SLC4A7: variants seen among roughly 807,000 people sequenced by gnomAD.
SLC4A7 encodes the protein sodium bicarbonate cotransporter 3.
Under a neutral mutation model 137.6 loss-of-function variants are expected in SLC4A7, and 51 were observed. The ratio of observed to expected loss-of-function variants is 0.37; its 90% confidence interval spans 0.30 to 0.47. SLC4A7 has a LOEUF of 0.47. SLC4A7 is among the 20% of genes least tolerant of loss of function. The pLI, the probability that SLC4A7 is intolerant of heterozygous loss-of-function variation, is 1.00. For missense variants in SLC4A7, 1,247 were observed against 1,525.4 expected (o/e 0.82, Z 3.04); for synonymous variants, 542 against 518.6 (o/e 1.05, Z -0.61).
In SLC4A7 at chr3:27,484,172, C is replaced by A; in HGVS notation, c.-46G>T. On this transcript the variant is annotated 5_prime_UTR_variant, in exon 1 of 26. Transcript: ENST00000454389. ...ACGGCCGCTACGGTACTGCCCCGCGCGGTCTGCCTGCTTCTGCCGCTGCCC... is the reference window on the plus strand; with the variant it reads ...ACGGCCGCTACGGTACTGCCCCGCGAGGTCTGCCTGCTTCTGCCGCTGCCC... 2 of 1,256,566 alleles carry A rather than the reference C, an allele frequency of 1.6e-6. No individual in the cohort carries two copies. The highest frequency in any genetic ancestry group is 5.6e-5 in the South Asian group (2 of 36,030). 77.8% of individuals were successfully genotyped at this position (1,256,566 alleles called of 1,614,324 possible). A position where few individuals can be genotyped will look rare whatever the true frequency, so the allele number is the denominator to read the frequency against.
intron 16 of SLC4A7, among the ~76,000 whole-genome samples, chr3:27,399,383 T>G (rs1270094510): frequency 6.6e-6 from 1 of 152,208 alleles, no homozygotes; most frequent in Non-Finnish European, 1.5e-5. Flanking sequence ...ACCTCTTCCT[T>G]AACAAAAATG....
intron 13 of SLC4A7, among the ~76,000 whole-genome samples, chr3:27,406,303 AAT>A (rs1417685091): frequency 6.6e-6 from 1 of 152,220 alleles, no homozygotes; most frequent in Non-Finnish European, 1.5e-5. Flanking sequence ...TGGCACACAG[AAT>A]ATAGTCAATG....
chr3:27,479,261 A>G (rs1032855861), intron 1 of SLC4A7, among the ~76,000 whole-genome samples: 4 of 152,010 alleles, frequency 2.6e-5, no homozygotes, highest in Non-Finnish European at 5.9e-5. Context: ...TTAAAAATAC[A>G]AAAAATTAGC....
At chr3:27,421,029 A>C (rs563552281) in intron 9 of SLC4A7, among the ~76,000 whole-genome samples, 1 of 152,118 alleles carries the variant, frequency 6.6e-6, no homozygotes, top group Admixed American at 6.5e-5. Context: ...TCCTGACCTC[A>C]GGTGATCCAC....
intron 5 of SLC4A7, among the ~76,000 whole-genome samples, chr3:27,435,829 T>C (rs1230896825): frequency 6.6e-6 from 1 of 151,990 alleles, no homozygotes; most frequent in African/African-American, 2.4e-5. Context: ...TGGATGACAG[T>C]GAGAGACCCT....
intron 20 of SLC4A7, among the ~76,000 whole-genome samples, chr3:27,392,691 G>C (rs1438210351): frequency 6.6e-6 from 1 of 151,896 alleles, no homozygotes; most frequent in Non-Finnish European, 1.5e-5. Context: ...GCTGGGCATG[G>C]TGGCACGTGC....
At chr3:27,459,973 A>T (rs1020691248) in intron 1 of SLC4A7, among the ~76,000 whole-genome samples, 14 of 107,560 alleles carry the variant, frequency 1.3e-4, no homozygotes, top group East Asian at 6.4e-4. Flanking sequence ...AGTGTTATTT[A>T]TATATATATA....
intron 1 of SLC4A7, among the ~76,000 whole-genome samples, chr3:27,461,329 G>A (rs909191474): frequency 6.6e-6 from 1 of 151,794 alleles, no homozygotes; most frequent in Non-Finnish European, 1.5e-5. Context: ...AACCCAGAAG[G>A]CGGAGGTTGC....
chr3:27,440,154 A>G (rs1051335729), intron 3 of SLC4A7, among the ~76,000 whole-genome samples: 1 of 152,184 alleles, frequency 6.6e-6, no homozygotes, highest in African/African-American at 2.4e-5. Flanking sequence ...ACAGTTCTGG[A>G]TACCAGAAGT....
At chr3:27,467,633 G>C (rs966135834) in intron 1 of SLC4A7, among the ~76,000 whole-genome samples, 2 of 152,226 alleles carry the variant, frequency 1.3e-5, no homozygotes, top group Non-Finnish European at 2.9e-5. Context: ...TCAGTGAGGA[G>C]CACAGCCAGT....
intron 23 of SLC4A7, among the ~76,000 whole-genome samples, chr3:27,384,442 G>T (rs928878273): frequency 6.6e-6 from 1 of 152,152 alleles, no homozygotes; most frequent in Non-Finnish European, 1.5e-5. Context: ...CAGGAGAAAA[G>T]TAACAAGGAG....
At chr3:27,428,705 T>G (rs2055920814) in intron 7 of SLC4A7, among the ~76,000 whole-genome samples, 2 of 152,188 alleles carry the variant, frequency 1.3e-5, no homozygotes, top group African/African-American at 2.4e-5. Flanking sequence ...TCCATCTAAC[T>G]TACCCATATT....
rs374233349 is a variant in SLC4A7, at chr3:27,448,714, G to A, written c.226C>T (p.His76Tyr). 8.7e-6 allele frequency: 14 copies of A among 1,612,842 alleles called. No homozygotes were observed. The highest frequency in any genetic ancestry group is 1.7e-5 in the Admixed American group (1 of 59,942). The change falls in exon 3 of 26, where the codon CAC becomes TAC. Residue 76 changes from histidine to tyrosine, a missense_variant. By Grantham distance (83) the His-to-Tyr change is moderately conservative (BLOSUM62 2). Transcript: ENST00000454389. The part of the protein sequence containing the change: ...RRHRHRGHKH[H>Y]HRRRKDKESD... ...TCTTTATCTTTTCTTCTCCGGTGGT[G>A]ATGTTTGTGTCCGCGATGCCTATGA...
At chr3:27,379,195 A>AT in intron 25 of SLC4A7, 54 bp downstream of exon 25, 6 of 854,078 alleles carry the variant, frequency 7.0e-6, no homozygotes, top group Middle Eastern at 2.1e-4. Flanking sequence ...TGAAGCTATC[A>AT]TAAGTAAATG....
At chr3:27,474,323 T>A (rs1244553764) in intron 1 of SLC4A7, among the ~76,000 whole-genome samples, 1 of 152,154 alleles carries the variant, frequency 6.6e-6, no homozygotes, top group African/African-American at 2.4e-5. Flanking sequence ...AGAAATTCAA[T>A]GATAAAACAG....
intron 6 of SLC4A7, among the ~76,000 whole-genome samples, chr3:27,431,977 C>T (rs1445303998): frequency 6.6e-6 from 1 of 152,070 alleles, no homozygotes; most frequent in Non-Finnish European, 1.5e-5. Context: ...AATATCAATA[C>T]AAAGTCACTG....
At chr3:27,393,585 G>C (rs1392829339) in intron 20 of SLC4A7, among the ~76,000 whole-genome samples, 1 of 152,128 alleles carries the variant, frequency 6.6e-6, no homozygotes, top group Non-Finnish European at 1.5e-5. Context: ...CTTCAGGCTT[G>C]GGCTGGAGTA....
intron 6 of SLC4A7, among the ~76,000 whole-genome samples, chr3:27,432,368 A>G (rs1317885311): frequency 6.6e-6 from 1 of 152,196 alleles, no homozygotes; most frequent in Non-Finnish European, 1.5e-5. Flanking sequence ...TCTGATATGT[A>G]GCAGATACAT....
rs2049809712 is a variant in SLC4A7 at position 27,375,057 on chromosome 3, G to C, written c.*1707C>G. On this transcript the variant is annotated 3_prime_UTR_variant, in exon 26 of 26. Transcript: ENST00000454389. ...GCTACATTTCCAACCTCTCATCCGA[G>C]GCAGAAGTTGAATCCATCATTTTAA... 1 of 151,952 alleles carries C rather than the reference G, an allele frequency of 6.6e-6. No individual in the cohort carries two copies. Among genetic ancestry groups the C allele is most frequent in the Admixed American group, 6.6e-5 (1 of 15,264 alleles). 9.4% of individuals were successfully genotyped at this position (151,952 alleles called of 1,614,324 possible). A position where few individuals can be genotyped will look rare whatever the true frequency, so the allele number is the denominator to read the frequency against.
Sources: gnomAD v4.1 joint callset for allele counts (sites outside exome capture counted in the v4.1 genomes callset) on GRCh38, gnomAD v4.1.1 for gene constraint, MANE v1.5 for transcripts, NCBI Gene and HGNC (gene_info 2026-07-23, HGNC 2026-07-21) for gene names.